USP11: variants seen among roughly 807,000 people sequenced by gnomAD.
USP11 encodes the protein ubiquitin carboxyl-terminal hydrolase 11.
USP11 carries 5 observed loss-of-function variants against 72.8 expected under a neutral mutation model. That is an observed-to-expected ratio of 0.07 (90% CI 0.04 to 0.14). The LOEUF is 0.14. Ranked by LOEUF, USP11 falls within the 10% of genes least tolerant of loss-of-function variation. USP11 has a pLI of 1.00. For synonymous variants in USP11, 368 were observed against 326.5 expected (o/e 1.13, Z -1.37); for missense variants, 480 against 794.7 (o/e 0.60, Z 4.76).
intron 2 of USP11, 76 bp from the exon 3 acceptor site, chrX:47,239,275 C>T: frequency 8.5e-7 from 1 of 1,182,141 alleles, no homozygotes; most frequent in East Asian, 3.0e-5. Flanking sequence ...TGCTAGGTCA[C>T]TGGTGGGGTG....
intron 17 of USP11, among the ~76,000 whole-genome samples, chrX:47,246,132 C>G (rs143583151): frequency 3.1e-3 from 346 of 112,337 alleles, no homozygotes; most frequent in Non-Finnish European, 5.7e-3. Flanking sequence ...TCTTCCTAGC[C>G]AAGCATTACT....
chrX:47,234,450 A>G (rs760350890), intron 1 of USP11, among the ~76,000 whole-genome samples: 39 of 112,372 alleles, frequency 3.5e-4, no homozygotes, highest in Non-Finnish European at 5.8e-4. Context: ...GGTAGATACT[A>G]GTACTACTAA....
At position 47,244,931 on chromosome X, in the gene USP11, C is replaced by T. The variant is rs2055424146; in HGVS notation, c.2086+7C>T. On this transcript the variant is annotated splice_region_variant and intron_variant, in intron 15 of 20. Transcript: ENST00000377107. The stretch of plus-strand genomic sequence containing the variant: ...TCCCCTGAAGAAGTCCATGGTATTT[C>T]CTTTGGCTATCAGCGAGGGCTGGGG... 1 of 1,211,488 alleles carries T rather than the reference C, an allele frequency of 8.3e-7. No homozygotes were observed.
intron 17 of USP11, among the ~76,000 whole-genome samples, chrX:47,245,814 G>A (rs1017572041): frequency 2.7e-5 from 3 of 111,419 alleles, no homozygotes; most frequent in African/African-American, 6.5e-5. Flanking sequence ...AAAGTGCTGG[G>A]ATTACAGGCG....
intron 1 of USP11, among the ~76,000 whole-genome samples, chrX:47,235,266 C>CAT (rs2055366586): frequency 8.9e-6 from 1 of 111,837 alleles, no homozygotes; most frequent in African/African-American, 3.3e-5. Context: ...ATATGGAATA[C>CAT]ATATATATAA....
Position 47,247,241 on chromosome X carries a change from A to T in USP11, c.2420+20A>T. The T allele has an allele frequency of 8.3e-7, 1 of 1,210,838 alleles. No homozygotes were observed. Among genetic ancestry groups the T allele is most frequent in the Non-Finnish European group, 1.1e-6 (1 of 895,228 alleles). ...TATCCGGTCAGGGGCCAGGGAGAGGATGGCTGGGGGAAGGCAGGGAAAGGA... is the reference window on the plus strand; with the variant it reads ...TATCCGGTCAGGGGCCAGGGAGAGGTTGGCTGGGGGAAGGCAGGGAAAGGA... On this transcript the variant is annotated intron_variant, in intron 18 of 20. Coordinates refer to ENST00000377107, the MANE Select transcript of USP11 (RefSeq NM_001371072.1).
chrX:47,240,689 AC>A, intron 6 of USP11, 41 bp downstream of exon 6: 1 of 1,208,971 alleles, frequency 8.3e-7, no homozygotes, highest in East Asian at 3.0e-5. Context: ...GGGGCGTCCC[AC>A]AGTAGGCAAA....
intron 1 of USP11, among the ~76,000 whole-genome samples, chrX:47,234,228 A>G (rs984362772): frequency 2.7e-5 from 3 of 112,116 alleles, no homozygotes; most frequent in Non-Finnish European, 3.8e-5. Context: ...AAATGTCAGG[A>G]TCATGAAAGA....
intron 1 of USP11, among the ~76,000 whole-genome samples, chrX:47,234,987 T>C (rs1038301088): frequency 2.7e-5 from 3 of 112,507 alleles, no homozygotes; most frequent in Non-Finnish European, 5.6e-5. Context: ...ATTCTCTGTA[T>C]TATTTTTGCC....
intron 10 of USP11, 53 bp downstream of exon 10, chrX:47,242,359 T>A: frequency 8.3e-7 from 1 of 1,201,518 alleles, no homozygotes; most frequent in East Asian, 3.0e-5. Flanking sequence ...AGAGTTTGAT[T>A]AGCTGCCATA....
chrX:47,233,171 A>G lies in USP11; in HGVS notation c.128A>G (p.Glu43Gly), dbSNP rs2055353401. ...CTGGACAGCCAGTGGCGCCAGATAGAAAACGGCGAGAGTGGGCGAGAACGT... is the reference window on the plus strand; with the variant it reads ...CTGGACAGCCAGTGGCGCCAGATAGGAAACGGCGAGAGTGGGCGAGAACGT... ...PGLDSQWRQI[E>G]NGESGRERPL... Residue 43 changes from glutamate to glycine, a missense_variant, in exon 1 of 21, where the codon GAA (glutamate) becomes GGA (glycine). Glu to Gly is a moderately conservative substitution (Grantham distance 98). Transcript: ENST00000377107. The G allele has an allele frequency of 8.4e-7, 1 of 1,192,031 alleles. No homozygotes were observed. Among genetic ancestry groups the G allele is most frequent in the South Asian group, 1.8e-5 (1 of 54,975 alleles).
Position 47,241,620 on chromosome X carries a change from A to T in USP11, c.1100A>T (p.Asp367Val). The stretch of plus-strand genomic sequence containing the variant: ...CAGGAGCTGCTGTCATTCCTCCTGG[A>T]CGGGCTGCATGAGGACCTTAATCGG... ...DSQELLSFLL[D>V]GLHEDLNRVK... is the part of the protein sequence containing the mutation. The change falls in exon 9 of 21, where the codon GAC (aspartate) becomes GTC (valine). Residue 367 changes from aspartate (D) to valine (V), a missense_variant. Physicochemically the swap from Asp to Val is radical, Grantham distance 152. Transcript: ENST00000377107. The T allele has an allele frequency of 8.3e-7, 1 of 1,210,910 alleles. No individual in the cohort carries two copies. Among genetic ancestry groups the T allele is most frequent in the Non-Finnish European group, 1.1e-6 (1 of 895,176 alleles).
intron 1 of USP11, among the ~76,000 whole-genome samples, chrX:47,237,729 G>A (rs1327290154): frequency 9.0e-6 from 1 of 110,674 alleles, no homozygotes; most frequent in Middle Eastern, 4.6e-3. Context: ...AGGCTGCTCA[G>A]TATTTGGGAT....
Position 47,239,148 on chromosome X carries a change from T to A in USP11, c.255T>A (p.Pro85=). The change falls in exon 2 of 21, where the codon CCT becomes CCA. Residue 85 remains proline, a synonymous_variant. Coordinates refer to ENST00000377107, the MANE Select transcript of USP11 (RefSeq NM_001371072.1). ...QGGDQDSSTF[P]GCINNATLFQ... is the part of the protein sequence containing the mutation. Reference sequence around the variant, plus strand: ...GGGACCAGGACTCCAGCACCTTCCCTGGCTGCATCAACAATGCCACACTCT... The same window carrying A: ...GGGACCAGGACTCCAGCACCTTCCCAGGCTGCATCAACAATGCCACACTCT... 8.3e-7 allele frequency: 1 copy of A among 1,209,453 alleles called. No individual in the cohort carries two copies. The highest frequency in any genetic ancestry group is 1.8e-5 in the South Asian group (1 of 56,438).
At chrX:47,241,033 C>T (rs2055399812) in intron 7 of USP11, 157 bp downstream of exon 7, 1 of 578,818 alleles carries the variant, frequency 1.7e-6, no homozygotes, top group Non-Finnish European at 2.7e-6. Flanking sequence ...CACGTTCATT[C>T]CTGAACTATC....
Position 47,245,365 on chromosome X carries a change from C to T in USP11, c.2158-5C>T. 1.7e-6 allele frequency: 2 copies of T among 1,206,898 alleles called. No homozygotes were observed. The highest frequency in any genetic ancestry group is 2.2e-6 in the Non-Finnish European group (2 of 891,656). On this transcript the variant is annotated splice_region_variant and splice_polypyrimidine_tract_variant and intron_variant, in intron 16 of 20. Coordinates refer to ENST00000377107, the MANE Select transcript of USP11 (RefSeq NM_001371072.1). ...CCATCTGGTTGTCTGTTCACCCAATCCTAGGGCTACGTGAAGCATGACTGC... is the reference window on the plus strand; with the variant it reads ...CCATCTGGTTGTCTGTTCACCCAATTCTAGGGCTACGTGAAGCATGACTGC...
chrX:47,246,973 A>T (rs1335928005), intron 17 of USP11, 99 bp from the exon 18 acceptor site: 6 of 1,038,931 alleles, frequency 5.8e-6, no homozygotes, highest in Non-Finnish European at 6.3e-6. Context: ...GTGATCCGAG[A>T]TCGCGCCACT....
chrX:47,242,167 C>T lies in USP11; in HGVS notation c.1265C>T (p.Thr422Met). 1 of 1,211,478 alleles carries T rather than the reference C, an allele frequency of 8.3e-7. No homozygotes were observed. Among genetic ancestry groups the T allele is most frequent in the Non-Finnish European group, 1.1e-6 (1 of 895,264 alleles). The change falls in exon 10 of 21, where the codon ACG (threonine) becomes ATG (methionine). Residue 422 changes from threonine to methionine, a missense_variant. Thr to Met is a moderately conservative substitution (Grantham distance 81, BLOSUM62 -1). This residue lies in a region of USP11 where 314 missense variants were observed against 556.0 expected (regional missense o/e 0.56). Transcript: ENST00000377107. ...ACTTTCCACGGCCTCTTCAAGTCCA[C>T]GCTGGTGTGCCCCGATTGTGGCAAT... ...VDTFHGLFKSTLVCPDCGNVS... is the reference protein window; with the variant it reads ...VDTFHGLFKSMLVCPDCGNVS...
chrX:47,239,295 A>G, intron 2 of USP11, 56 bp from the exon 3 acceptor site: 1 of 1,193,793 alleles, frequency 8.4e-7, no homozygotes, highest in Non-Finnish European at 1.1e-6. Flanking sequence ...GGCCAGAGTC[A>G]TTCGTCAGTT....
Sources: allele counts gnomAD v4.1 joint callset (sites outside exome capture counted in the v4.1 genomes callset), GRCh38; gene constraint gnomAD v4.1.1; regional missense constraint gnomAD v4.1.1; transcripts MANE v1.5; gene names NCBI Gene and HGNC (gene_info 2026-07-23, HGNC 2026-07-21).